The following ARHGEF40 variants were observed in gnomAD, a reference collection of about 807,000 sequenced individuals.
The protein encoded by ARHGEF40 is Rho guanine nucleotide exchange factor (GEF) 40.
A neutral mutation model predicts 165.9 loss-of-function variants in ARHGEF40; 98 were observed. That is an observed-to-expected ratio of 0.59 (90% CI 0.50 to 0.70). ARHGEF40 has a LOEUF of 0.70. Ranked by LOEUF, ARHGEF40 falls within the 30% of genes least tolerant of loss-of-function variation. The probability of loss-of-function intolerance (pLI) is 0.00; values close to 1 mark genes in which losing one functional copy is unlikely to be tolerated. For missense variants in ARHGEF40, 1,815 were observed against 1,968.0 expected (o/e 0.92, Z 1.47); for synonymous variants, 792 against 814.3 (o/e 0.97, Z 0.47).
chr14:21,070,181 G>T, upstream of ARHGEF40: 1 of 262,620 alleles, frequency 3.8e-6, no homozygotes, highest in East Asian at 8.8e-5. This position sits in a 1 kb window ranked among gnomAD's most constrained non-coding sequence, Gnocchi z 4.7. Context: ...GCGCGGAGGC[G>T]GGGGCGGGCG....
chr14:21,070,442 C>T lies in ARHGEF40; in HGVS notation c.3+43C>T, dbSNP rs1412322793. 6 of 1,369,692 alleles carry T rather than the reference C, an allele frequency of 4.4e-6. No homozygotes were observed. The highest frequency in any genetic ancestry group is 7.4e-5 in the Admixed American group (2 of 27,034). 84.8% of individuals were successfully genotyped at this position (1,369,692 alleles called of 1,614,324 possible). A position where few individuals can be genotyped will look rare whatever the true frequency, so the allele number is the denominator to read the frequency against. ...GCCCCCTGGGTCCCCTCGGCCTTCG[C>T]GCAGCCCGCTCCGGGCCCCCAAGTC... On this transcript the variant is annotated intron_variant, in intron 1 of 23. Transcript: ENST00000298694. This position sits in a 1 kb window ranked among gnomAD's most constrained non-coding sequence, Gnocchi z 4.7.
At position 21,074,936 on chromosome 14, in the gene ARHGEF40, T is replaced by C. The variant is rs1427045373; in HGVS notation, c.1206T>C (p.Pro402=). 6.2e-7 allele frequency: 1 copy of C among 1,607,482 alleles called. No individual in the cohort carries two copies. The highest frequency in any genetic ancestry group is 2.2e-5 in the East Asian group (1 of 44,830). The change falls in exon 3 of 24, where the codon CCT becomes CCC. Residue 402 remains proline (P), a synonymous_variant. Coordinates refer to ENST00000298694, the MANE Select transcript of ARHGEF40 (RefSeq NM_018071.5). This position sits in a 1 kb window ranked among gnomAD's most constrained non-coding sequence, Gnocchi z 4.8. The part of the protein sequence containing the change: ...SRGGDSAPLS[P]GDKEDASHQE... ...GAGGGGACAGTGCCCCACTGAGCCC[T>C]GGGGACAAGGAAGATGCCAGCCACC... is the stretch of plus-strand genomic sequence containing the variant.
chr14:21,085,018 A>T, intron 18 of ARHGEF40, 95 bp downstream of exon 18: 1 of 1,453,196 alleles, frequency 6.9e-7, no homozygotes, highest in Non-Finnish European at 9.4e-7. Flanking sequence ...ACAGAGGTTC[A>T]GAATCTGCAT....
chr14:21,070,477 G>T lies in ARHGEF40; in HGVS notation c.3+78G>T. ...TCCGGGCCCCCAAGTCCTCAGCCTG[G>T]TGCCTCCCGAGCCTGCCTCGGACTG... On this transcript the variant is annotated intron_variant, in intron 1 of 23. Coordinates refer to ENST00000298694, the MANE Select transcript of ARHGEF40 (RefSeq NM_018071.5). This position sits in a 1 kb window ranked among gnomAD's most constrained non-coding sequence, Gnocchi z 4.7. 1 of 1,350,682 alleles carries T rather than the reference G, an allele frequency of 7.4e-7. No individual in the cohort carries two copies. The highest frequency in any genetic ancestry group is 9.5e-7 in the Non-Finnish European group (1 of 1,054,956). The allele number at this position is 1,350,682 out of a possible 1,614,324, so 83.7% of individuals were successfully genotyped here.
chr14:21,085,903 C>T (rs1479796992), intron 19 of ARHGEF40, 37 bp downstream of exon 19: 2 of 1,609,054 alleles, frequency 1.2e-6, no homozygotes, highest in South Asian at 2.2e-5. Context: ...TGCTTGGAGT[C>T]AGGGTTATAG....
upstream of ARHGEF40, among the ~76,000 whole-genome samples, chr14:21,068,554 A>G (rs940582209): frequency 6.6e-6 from 1 of 152,002 alleles, no homozygotes; most frequent in African/African-American, 2.4e-5. Flanking sequence ...ACAGGTGAAT[A>G]AGGTTTTTTA....
At chr14:21,080,591 T>G (rs970291854) in intron 11 of ARHGEF40, 69 bp from the exon 12 acceptor site, 1 of 1,526,746 alleles carries the variant, frequency 6.5e-7, no homozygotes, top group Non-Finnish European at 8.8e-7. Context: ...GTGGGGCTGA[T>G]GCTGGATCTC....
At chr14:21,064,253 C>T in the ARHGEF40 span, among the ~76,000 whole-genome samples, 15 of 151,986 alleles carry the variant, frequency 9.9e-5, no homozygotes, top group Admixed American at 3.3e-4. Context: ...TATAAATTCC[C>T]TAAAATTGAG....
chr14:21,067,601 G>A (rs1886337371), upstream of ARHGEF40, among the ~76,000 whole-genome samples: 1 of 152,172 alleles, frequency 6.6e-6, no homozygotes, highest in Non-Finnish European at 1.5e-5. Flanking sequence ...AAGCCCCAAA[G>A]AGTCTTAAAT....
chr14:21,070,995 C>T lies in ARHGEF40; in HGVS notation c.3+596C>T, dbSNP rs1886774734. 1.2e-6 allele frequency: 1 copy of T among 853,240 alleles called. No individual in the cohort carries two copies. Among genetic ancestry groups the T allele is most frequent in the Non-Finnish European group, 1.8e-6 (1 of 545,264 alleles). The allele number at this position is 853,240 out of a possible 1,614,324, so 52.9% of individuals were successfully genotyped here. On this transcript the variant is annotated intron_variant, in intron 1 of 23. Coordinates refer to ENST00000298694, the MANE Select transcript of ARHGEF40 (RefSeq NM_018071.5). The surrounding 1 kb of genome is among the most constrained non-coding windows in gnomAD (Gnocchi z 4.7). ...AGCTGCCTCAGGATAGTTGGGGGTGCTTGGGGGGGAGCTCACAGTACCAGG... is the reference window on the plus strand; with the variant it reads ...AGCTGCCTCAGGATAGTTGGGGGTGTTTGGGGGGGAGCTCACAGTACCAGG...
At chr14:21,082,577 A>G (rs1051747547) in intron 15 of ARHGEF40, 99 bp downstream of exon 15, 1 of 1,330,622 alleles carries the variant, frequency 7.5e-7, no homozygotes, top group Non-Finnish European at 1.0e-6. Context: ...CTCTCCTCCC[A>G]TGTGTGGTCC....
chr14:21,078,532 G>A (rs1315611011), intron 10 of ARHGEF40, 44 bp downstream of exon 10: 2 of 1,520,880 alleles, frequency 1.3e-6, no homozygotes, highest in Admixed American at 4.0e-5. Flanking sequence ...GTGGGAGGTG[G>A]AGACACAGCT....
chr14:21,078,493 G>A lies in ARHGEF40; in HGVS notation c.2246+5G>A, dbSNP rs1415373162. On this transcript the variant is annotated splice_donor_5th_base_variant and intron_variant, in intron 10 of 23. Coordinates refer to ENST00000298694, the MANE Select transcript of ARHGEF40 (RefSeq NM_018071.5). ...GCGCTCCACTCCCAGCAGCAAGTACGAAGTATGGGTGTGCGGAGGCAGGTG... is the reference window on the plus strand; with the variant it reads ...GCGCTCCACTCCCAGCAGCAAGTACAAAGTATGGGTGTGCGGAGGCAGGTG... The A allele has an allele frequency of 3.8e-6, 6 of 1,567,098 alleles. No individual in the cohort carries two copies. The highest frequency in any genetic ancestry group is 1.2e-5 in the South Asian group (1 of 84,308).
At position 21,076,614 on chromosome 14, in the gene ARHGEF40, G is replaced by A; in HGVS notation, c.1888G>A (p.Asp630Asn). The A allele has an allele frequency of 6.2e-7, 1 of 1,614,186 alleles. No individual in the cohort carries two copies. The change falls in exon 7 of 24, where the codon GAC becomes AAC. Residue 630 changes from aspartate to asparagine, a missense_variant. Physicochemically the swap from Asp to Asn is conservative, Grantham distance 23. Coordinates refer to ENST00000298694, the MANE Select transcript of ARHGEF40 (RefSeq NM_018071.5). ...GCGGCTGCTGATTCTCATTCATGAT[G>A]ACCTTCCAACTGAACTCTGTGGATT... Reference protein sequence around the residue: ...VQRLLILIHDDLPTELCGFQG... With the variant: ...VQRLLILIHDNLPTELCGFQG...
At chr14:21,066,602 G>A (rs992773680), upstream of ARHGEF40, among the ~76,000 whole-genome samples, 1 of 152,186 alleles carries the variant, frequency 6.6e-6, no homozygotes, top group Non-Finnish European at 1.5e-5. Context: ...CCAAAGTGCT[G>A]GGATTACAGG....
Position 21,083,931 on chromosome 14 carries a change from G to C in ARHGEF40, c.3670G>C (p.Glu1224Gln), listed in dbSNP as rs371145681. Residue 1224 changes from glutamate to glutamine, a missense_variant, in exon 17 of 24, where the codon GAA becomes CAA. Coordinates refer to ENST00000298694, the MANE Select transcript of ARHGEF40 (RefSeq NM_018071.5). The part of the protein sequence containing the change: ...YGRLLEELLR[E>Q]AGPELSSECR... ...GCGGCTCCTGGAGGAGCTCCTGAGG[G>C]AAGCTGGGCCTGAGCTCAGTTCTGA... 2.1e-5 allele frequency: 34 copies of C among 1,613,988 alleles called. No individual in the cohort carries two copies. The highest frequency in any genetic ancestry group is 3.3e-5 in the Admixed American group (2 of 60,000).
In ARHGEF40 at chr14:21,075,288, A is replaced by G. The variant is rs1310617479; in HGVS notation, c.1451-44A>G. On this transcript the variant is annotated intron_variant, in intron 3 of 23. Coordinates refer to ENST00000298694, the MANE Select transcript of ARHGEF40 (RefSeq NM_018071.5). This position sits in a 1 kb window ranked among gnomAD's most constrained non-coding sequence, Gnocchi z 4.5. ...TTAGGCTGGGAGCAGAACAACCAGAACCATCTTAACTTCAGTCCCATGTTT... is the reference window on the plus strand; with the variant it reads ...TTAGGCTGGGAGCAGAACAACCAGAGCCATCTTAACTTCAGTCCCATGTTT... The G allele has an allele frequency of 2.5e-6, 4 of 1,609,002 alleles. No individual in the cohort carries two copies. The highest frequency in any genetic ancestry group is 3.4e-6 in the Non-Finnish European group (4 of 1,177,836).
At chr14:21,087,550 T>C in intron 21 of ARHGEF40, 87 bp downstream of exon 21, 1 of 1,540,980 alleles carries the variant, frequency 6.5e-7, no homozygotes, top group Admixed American at 1.9e-5. Context: ...TTCCTTTTTC[T>C]AGCCAAGAAG....
intron 11 of ARHGEF40, among the ~76,000 whole-genome samples, chr14:21,079,574 G>GAT (rs1252034883): frequency 6.6e-6 from 1 of 152,106 alleles, no homozygotes; most frequent in Non-Finnish European, 1.5e-5. Context: ...GCCCCATAGG[G>GAT]ATTTGCTCTC....
Sources: allele counts gnomAD v4.1 joint callset (sites outside exome capture counted in the v4.1 genomes callset), GRCh38; gene constraint gnomAD v4.1.1; non-coding constraint Gnocchi (gnomAD v3.1); transcripts MANE v1.5; gene names NCBI Gene and HGNC (gene_info 2026-07-23, HGNC 2026-07-21).